Variants in HSD17B12 observed in about 807,000 individuals in gnomAD.
HSD17B12 encodes the protein hydroxysteroid 17-beta dehydrogenase 12.
A neutral mutation model predicts 39.3 loss-of-function variants in HSD17B12; 32 were observed. The ratio of observed to expected loss-of-function variants is 0.81; its 90% CI spans 0.61 to 1.09. The LOEUF (loss-of-function observed/expected upper bound fraction) is 1.09. Among genes scored for constraint, HSD17B12 ranks in the 50% least tolerant of loss-of-function variants. HSD17B12 has a pLI of 0.00. For synonymous variants in HSD17B12, 150 were observed against 146.7 expected (o/e 1.02, Z -0.16); for missense variants, 342 against 382.9 (o/e 0.89, Z 0.89).
At chr11:43,669,110 T>TA in the HSD17B12 span, among the ~76,000 whole-genome samples, 9 of 150,454 alleles carry the variant, frequency 6.0e-5, no homozygotes, top group African/African-American at 2.0e-4. Context: ...GATGCTGAGT[T>TA]AAAAAAAAAA....
chr11:43,676,655 TA>T (rs1454513248), upstream of HSD17B12, among the ~76,000 whole-genome samples: 1 of 152,182 alleles, frequency 6.6e-6, no homozygotes, highest in Non-Finnish European at 1.5e-5. Flanking sequence ...TAGAACACAA[TA>T]ATATTTGTTG....
At chr11:43,652,729 T>G in the HSD17B12 span, among the ~76,000 whole-genome samples, 2 of 152,112 alleles carry the variant, frequency 1.3e-5, no homozygotes, top group Non-Finnish European at 1.5e-5. Context: ...GGTGAAGAGC[T>G]TCCATGCCCT....
At chr11:43,775,706 C>A (rs1388072808) in intron 3 of HSD17B12, among the ~76,000 whole-genome samples, 1 of 151,492 alleles carries the variant, frequency 6.6e-6, no homozygotes, top group Non-Finnish European at 1.5e-5. Flanking sequence ...GTGCTGCACC[C>A]ACTAACTCGT....
intron 3 of HSD17B12, among the ~76,000 whole-genome samples, chr11:43,757,802 TCTTA>T (rs978464707): frequency 3.3e-5 from 5 of 151,932 alleles, no homozygotes; most frequent in African/African-American, 1.2e-4. Context: ...ATAGAGAAGT[TCTTA>T]CTTTGTTGCA....
intron 6 of HSD17B12, among the ~76,000 whole-genome samples, chr11:43,827,877 A>C (rs1463959265): frequency 1.3e-5 from 2 of 152,210 alleles, no homozygotes; most frequent in African/African-American, 4.8e-5. Context: ...GCTGTCATCA[A>C]GACATTCATT....
chr11:43,783,817 C>T (rs894717349), intron 3 of HSD17B12, among the ~76,000 whole-genome samples: 1 of 151,984 alleles, frequency 6.6e-6, no homozygotes, highest in African/African-American at 2.4e-5. Context: ...TAAATTGAAA[C>T]TGAGAAACTT....
intron 3 of HSD17B12, among the ~76,000 whole-genome samples, chr11:43,788,706 A>C (rs1213675727): frequency 6.8e-6 from 1 of 145,988 alleles, no homozygotes; most frequent in African/African-American, 2.6e-5. Context: ...AAAAAAAAAA[A>C]AAAGAAGTGT....
At position 43,831,013 on chromosome 11, in the gene HSD17B12, G is replaced by T; in HGVS notation, c.536+3G>T. The T allele has an allele frequency of 6.2e-7, 1 of 1,606,342 alleles. No individual in the cohort carries two copies. ...GTACTGCCTGGCATGGTGGAAAGGT[G>T]AGTCACAAGCTCACATACAAACACT... On this transcript the variant is annotated splice_donor_region_variant and intron_variant, in intron 7 of 10. Transcript: ENST00000278353. This position sits in a 1 kb window ranked among gnomAD's most constrained non-coding sequence, Gnocchi z 4.1.
chr11:43,577,051 A>C, the HSD17B12 span, among the ~76,000 whole-genome samples: 6 of 152,214 alleles, frequency 3.9e-5, no homozygotes, highest in African/African-American at 1.4e-4. Flanking sequence ...GGTTGGGTAA[A>C]GAGAGGGAAA....
chr11:43,685,689 A>G (rs1471193384), intron 1 of HSD17B12, among the ~76,000 whole-genome samples: 2 of 152,196 alleles, frequency 1.3e-5, no homozygotes, highest in Non-Finnish European at 2.9e-5. Context: ...AAACCAAGTC[A>G]TCCGTTCTGC....
At chr11:43,649,659 C>G in the HSD17B12 span, among the ~76,000 whole-genome samples, 1 of 152,218 alleles carries the variant, frequency 6.6e-6, no homozygotes, top group African/African-American at 2.4e-5. Context: ...ATATTCTTCT[C>G]TATTGTGACA....
chr11:43,770,114 G>A (rs1950634716), intron 3 of HSD17B12, among the ~76,000 whole-genome samples: 1 of 152,072 alleles, frequency 6.6e-6, no homozygotes, highest in African/African-American at 2.4e-5. Flanking sequence ...GGTTCCTTAG[G>A]ACTTGTTCCC....
At chr11:43,560,650 A>G in the HSD17B12 span, among the ~76,000 whole-genome samples, 1 of 152,230 alleles carries the variant, frequency 6.6e-6, no homozygotes, top group Non-Finnish European at 1.5e-5. Flanking sequence ...ATTGTGGGAC[A>G]GGAACGATGG....
At chr11:43,606,669 A>G in the HSD17B12 span, among the ~76,000 whole-genome samples, 1 of 152,212 alleles carries the variant, frequency 6.6e-6, no homozygotes, top group African/African-American at 2.4e-5. Context: ...GTTCCCTTCT[A>G]GTGCAGAGCT....
the HSD17B12 span, among the ~76,000 whole-genome samples, chr11:43,616,322 C>T: frequency 1.4e-5 from 2 of 147,294 alleles, no homozygotes; most frequent in Non-Finnish European, 3.0e-5. Flanking sequence ...GCAGGAGAAT[C>T]ACTTGAACCT....
At chr11:43,815,916 T>C (rs544134328) in intron 5 of HSD17B12, among the ~76,000 whole-genome samples, 3 of 152,250 alleles carry the variant, frequency 2.0e-5, no homozygotes, top group Non-Finnish European at 4.4e-5. Flanking sequence ...TCTACCAAAA[T>C]GAAAGTGACA....
the HSD17B12 span, among the ~76,000 whole-genome samples, chr11:43,577,803 C>A: frequency 6.6e-6 from 1 of 152,188 alleles, no homozygotes; most frequent in East Asian, 1.9e-4. Flanking sequence ...TAGGGAACAT[C>A]GCGGGGCGCC....
chr11:43,775,379 G>A (rs536369504), intron 3 of HSD17B12, among the ~76,000 whole-genome samples: 5 of 152,280 alleles, frequency 3.3e-5, no homozygotes, highest in African/African-American at 1.2e-4. Context: ...GCTGATGAGC[G>A]ACAGATGCAG....
chr11:43,610,570 A>C, the HSD17B12 span, among the ~76,000 whole-genome samples: 4 of 152,216 alleles, frequency 2.6e-5, no homozygotes, highest in Admixed American at 2.0e-4. Context: ...CAGTTTCCCC[A>C]TATGCAAAAT....
Sources: allele counts gnomAD v4.1 joint callset (sites outside exome capture counted in the v4.1 genomes callset), GRCh38; gene constraint gnomAD v4.1.1; non-coding constraint Gnocchi (gnomAD v3.1); transcripts MANE v1.5; gene names NCBI Gene and HGNC (gene_info 2026-07-23, HGNC 2026-07-21).